Variants in CNIH3 observed in about 807,000 individuals in gnomAD.
The protein encoded by CNIH3 is cornichon family AMPA receptor auxiliary protein 3.
A neutral mutation model predicts 24.1 loss-of-function variants in CNIH3; 14 were observed. That is an observed-to-expected ratio of 0.58 (90% CI 0.38 to 0.91). The LOEUF (loss-of-function observed/expected upper bound fraction) is 0.91, where lower values mean the gene tolerates loss of function less well. Ranked by LOEUF, CNIH3 falls within the 40% of genes least tolerant of loss-of-function variation. The pLI is 0.00. For missense variants in CNIH3, 178 were observed against 196.8 expected, an observed-to-expected ratio of 0.90 and a Z score of 0.57; for synonymous variants, 68 against 73.8, an observed-to-expected ratio of 0.92 and a Z score of 0.40.
At chr1:224,526,720 A>C (rs550881652) in intron 2 of CNIH3, among the ~76,000 whole-genome samples, 1 of 152,292 alleles carries the variant, frequency 6.6e-6, no homozygotes, top group Admixed American at 6.5e-5. Context: ...GCTACAAAGA[A>C]ACACCTGAGA....
intron 1 of CNIH3, among the ~76,000 whole-genome samples, chr1:224,436,660 T>G (rs1674680837): frequency 6.6e-6 from 1 of 152,236 alleles, no homozygotes; most frequent in African/African-American, 2.4e-5. Context: ...AAACACAGCT[T>G]GAGAATCTGT....
intron 3 of CNIH3, among the ~76,000 whole-genome samples, chr1:224,725,982 G>T (rs1689005060): frequency 6.6e-6 from 1 of 152,170 alleles, no homozygotes; most frequent in Non-Finnish European, 1.5e-5. Context: ...TCATTGATGG[G>T]ATAAAACAGC....
intron 3 of CNIH3, among the ~76,000 whole-genome samples, chr1:224,602,705 G>T (rs1465150464): frequency 6.6e-6 from 1 of 152,184 alleles, no homozygotes; most frequent in Non-Finnish European, 1.5e-5. Flanking sequence ...CAAAGAGGTG[G>T]CTTTGAATTT....
rs547562888 is a variant in CNIH3, at chr1:224,691,706, T to C, written c.198+6863T>C. ...TGGCAACATTCCTGACATGCGTAGA[T>C]GTAAAAAGCTGTAGTGGATGGATTA... On this transcript the variant is annotated intron_variant, in intron 3 of 5. Coordinates refer to ENST00000272133, the MANE Select transcript of CNIH3 (RefSeq NM_152495.2). Among the ~76,000 whole-genome samples, 5 of 152,366 alleles carry C rather than the reference T, an allele frequency of 3.3e-5. No homozygotes were observed. The East Asian group carries it at 5.8e-4, about 18-fold the overall frequency.
At chr1:224,494,618 T>C (rs1029849634) in intron 1 of CNIH3, among the ~76,000 whole-genome samples, 5 of 152,198 alleles carry the variant, frequency 3.3e-5, no homozygotes, top group African/African-American at 1.2e-4. Context: ...CTGGTTTCTG[T>C]AGTTTAACTT....
intron 3 of CNIH3, among the ~76,000 whole-genome samples, chr1:224,607,124 A>G (rs74149620): frequency 0.027 from 4,037 of 152,330 alleles, 180 homozygotes; most frequent in African/African-American, 0.092. Context: ...AGGGCATGCA[A>G]AGCAACAGAC....
intron 3 of CNIH3, among the ~76,000 whole-genome samples, chr1:224,702,217 A>G (rs1014468267): frequency 6.6e-6 from 1 of 152,208 alleles, no homozygotes; most frequent in Non-Finnish European, 1.5e-5. Flanking sequence ...CTTAAAAATA[A>G]TTACACAAGC....
chr1:224,490,619 C>T (rs1242057702), intron 1 of CNIH3, among the ~76,000 whole-genome samples: 1 of 152,164 alleles, frequency 6.6e-6, no homozygotes, highest in African/African-American at 2.4e-5. Flanking sequence ...GATGTTAATA[C>T]ACCAATACAT....
intron 3 of CNIH3, among the ~76,000 whole-genome samples, chr1:224,715,356 C>T (rs937152291): frequency 6.6e-6 from 1 of 152,054 alleles, no homozygotes; most frequent in South Asian, 2.1e-4. Context: ...GGTTGGTGAC[C>T]GCAAGGACTG....
At chr1:224,556,080 A>G (rs1277035727) in intron 3 of CNIH3, among the ~76,000 whole-genome samples, 1 of 151,788 alleles carries the variant, frequency 6.6e-6, no homozygotes, top group East Asian at 1.9e-4. Context: ...AAGTGCTCTC[A>G]TTTACTTGTT....
chr1:224,559,679 T>A (rs1026478621), intron 3 of CNIH3, among the ~76,000 whole-genome samples: 5 of 152,204 alleles, frequency 3.3e-5, no homozygotes, highest in African/African-American at 9.6e-5. Flanking sequence ...GTAATTTTTT[T>A]AAAAAAGAAT....
chr1:224,691,014 G>A (rs908596357), intron 3 of CNIH3, among the ~76,000 whole-genome samples: 8 of 152,250 alleles, frequency 5.3e-5, no homozygotes, highest in African/African-American at 1.9e-4. Flanking sequence ...CAAATTCCAT[G>A]ATGTGGTTCT....
At chr1:224,452,555 G>A (rs536516019) in intron 1 of CNIH3, among the ~76,000 whole-genome samples, 1 of 151,824 alleles carries the variant, frequency 6.6e-6, no homozygotes, top group East Asian at 2.0e-4. Context: ...GCCAAGGTGG[G>A]CGGATCACAA....
intron 1 of CNIH3, among the ~76,000 whole-genome samples, chr1:224,454,121 A>G (rs1002023147): frequency 1.3e-5 from 2 of 152,190 alleles, no homozygotes; most frequent in African/African-American, 4.8e-5. Flanking sequence ...AACGCACTAT[A>G]TTATTCTAAG....
At chr1:224,618,219 G>A (rs2125062602) in intron 1 of CNIH3, among the ~76,000 whole-genome samples, 1 of 152,364 alleles carries the variant, frequency 6.6e-6, no homozygotes, top group East Asian at 1.9e-4. Context: ...CTCTGAGGTT[G>A]TTTAAGCCCC....
intron 1 of CNIH3, among the ~76,000 whole-genome samples, chr1:224,445,986 C>T (rs1412858045): frequency 6.6e-6 from 1 of 152,194 alleles, no homozygotes; most frequent in South Asian, 2.1e-4. Flanking sequence ...AGTTGACCCA[C>T]ACCACAGGGT....
At chr1:224,532,207 C>G (rs1679100917) in intron 2 of CNIH3, among the ~76,000 whole-genome samples, 1 of 152,078 alleles carries the variant, frequency 6.6e-6, no homozygotes, top group South Asian at 2.1e-4. Flanking sequence ...AAGGAGAGAG[C>G]CACAAACGAC....
chr1:224,562,661 T>A (rs1680419823), intron 3 of CNIH3, among the ~76,000 whole-genome samples: 1 of 152,124 alleles, frequency 6.6e-6, no homozygotes. Context: ...GCCCTTCCCA[T>A]CCTAATGAGT....
chr1:224,438,956 A>G (rs1319359588), intron 1 of CNIH3, among the ~76,000 whole-genome samples: 1 of 152,238 alleles, frequency 6.6e-6, no homozygotes, highest in African/African-American at 2.4e-5. Context: ...TGAGGCAGCT[A>G]AATGCAGAGG....
Sources: gnomAD v4.1 joint callset for allele counts (sites outside exome capture counted in the v4.1 genomes callset) on GRCh38, gnomAD v4.1.1 for gene constraint, MANE v1.5 for transcripts, NCBI Gene and HGNC (gene_info 2026-07-23, HGNC 2026-07-21) for gene names.